Variants in CEP43 observed in about 807,000 individuals in gnomAD.
The protein encoded by CEP43 is FGFR1 oncogene partner.
In CEP43, 36 loss-of-function variants were observed where a neutral mutation model predicts 52.6. The observed-to-expected ratio is 0.68, with a 90% confidence interval of 0.52 to 0.90. CEP43 has a LOEUF of 0.90. Ranked by LOEUF, CEP43 falls within the 40% of genes least tolerant of loss-of-function variation. The pLI, the probability that CEP43 is intolerant of heterozygous loss-of-function variation, is 0.00. For missense variants in CEP43, 506 were observed against 472.8 expected, an observed-to-expected ratio of 1.07 and a Z score of -0.65; for synonymous variants, 192 against 172.4, an observed-to-expected ratio of 1.11 and a Z score of -0.89.
intron 10 of CEP43, chr6:167,027,730 A>G: frequency 3.0e-6 from 1 of 334,444 alleles, no homozygotes; most frequent in East Asian, 1.7e-4. Context: ...AGTGGAACTA[A>G]TAACATCTGC....
chr6:167,040,411 A>T lies in CEP43; in HGVS notation c.*433A>T, dbSNP rs906304367. The T allele has an allele frequency of 3.9e-6, 5 of 1,292,502 alleles. No homozygotes were observed. The Admixed American group carries it at 1.1e-4, about 30-fold the overall frequency. The allele number at this position is 1,292,502 out of a possible 1,614,324, so 80.1% of individuals were successfully genotyped here. A position where few individuals can be genotyped will look rare whatever the true frequency, so the allele number is the denominator to read the frequency against. On this transcript the variant is annotated 3_prime_UTR_variant, in exon 13 of 13. Coordinates refer to ENST00000366847, the MANE Select transcript of CEP43 (RefSeq NM_007045.4). ...AGCTTACCCACCATAGTATATTTTG[A>T]TATTAGGTGGTTCTACACATAGTTG...
At chr6:167,003,635 T>C in intron 3 of CEP43, 88 bp from the exon 4 acceptor site, 1 of 737,278 alleles carries the variant, frequency 1.4e-6, no homozygotes, top group Non-Finnish European at 2.3e-6. Context: ...CTTTCTTCCA[T>C]TAATTTAGTG....
chr6:167,017,407 A>C (rs1780127515), intron 7 of CEP43, among the ~76,000 whole-genome samples: 1 of 152,182 alleles, frequency 6.6e-6, no homozygotes, highest in Admixed American at 6.5e-5. Flanking sequence ...GGATGTGTGT[A>C]GGCTATGTGC....
chr6:167,001,699 G>T (rs1167194378), intron 2 of CEP43, among the ~76,000 whole-genome samples: 1 of 152,162 alleles, frequency 6.6e-6, no homozygotes, highest in East Asian at 1.9e-4. Flanking sequence ...CTTTCCACCT[G>T]CTCAGCCATC....
intron 5 of CEP43, among the ~76,000 whole-genome samples, chr6:167,009,465 G>A (rs897958748): frequency 2.5e-5 from 3 of 121,998 alleles, no homozygotes; most frequent in African/African-American, 9.7e-5. Context: ...AGCCAAGATT[G>A]CGCCTCTGCA....
chr6:167,006,319 A>G (rs1477519589), intron 5 of CEP43, among the ~76,000 whole-genome samples: 1 of 152,210 alleles, frequency 6.6e-6, no homozygotes, highest in Non-Finnish European at 1.5e-5. Context: ...GATGGAGACC[A>G]TCCTGGCCAA....
chr6:167,023,546 A>G (rs1043092937), intron 8 of CEP43, among the ~76,000 whole-genome samples: 1 of 152,192 alleles, frequency 6.6e-6, no homozygotes, highest in African/African-American at 2.4e-5. Context: ...GTGGAAATCC[A>G]AAGTAGGCTA....
chr6:167,041,945 T>G lies in CEP43; in HGVS notation c.*1967T>G. On this transcript the variant is annotated 3_prime_UTR_variant, in exon 13 of 13. Coordinates refer to ENST00000366847, the MANE Select transcript of CEP43 (RefSeq NM_007045.4). ...TTCAAGCGATTCTCCTGCTTCAGCCTCCTGAGTAGCTGGGATTACAGGTGC... is the reference window on the plus strand; with the variant it reads ...TTCAAGCGATTCTCCTGCTTCAGCCGCCTGAGTAGCTGGGATTACAGGTGC... The G allele has an allele frequency of 2.2e-6, 1 of 463,316 alleles. No individual in the cohort carries two copies. Among genetic ancestry groups the G allele is most frequent in the East Asian group, 1.0e-4 (1 of 9,886 alleles). 28.7% of individuals were successfully genotyped at this position (463,316 alleles called of 1,614,324 possible).
chr6:167,003,595 G>C (rs1779786637), intron 3 of CEP43, 128 bp from the exon 4 acceptor site: 1 of 610,446 alleles, frequency 1.6e-6, no homozygotes, highest in African/African-American at 1.9e-5. Flanking sequence ...TATTCAAAGA[G>C]GAAATTTGTA....
At chr6:167,037,071 G>A (rs879431583) in intron 12 of CEP43, among the ~76,000 whole-genome samples, 1 of 152,314 alleles carries the variant, frequency 6.6e-6, no homozygotes, top group Non-Finnish European at 1.5e-5. Flanking sequence ...CTCTCAAAGT[G>A]CTGAGATTAC....
intron 6 of CEP43, among the ~76,000 whole-genome samples, chr6:167,012,846 C>T (rs1780015252): frequency 6.6e-6 from 1 of 152,206 alleles, no homozygotes; most frequent in South Asian, 2.1e-4. Flanking sequence ...TCTCTGCCGT[C>T]ATCCCGTTAT....
In CEP43 at chr6:167,026,582, T is replaced by C; in HGVS notation, c.955T>C (p.Leu319=). Reference sequence around the variant, plus strand: ...AAATACAGTTTTGAAAGATCTGAAATTGATCAGTGATAAAATTGGATCACT... The same window carrying C: ...AAATACAGTTTTGAAAGATCTGAAACTGATCAGTGATAAAATTGGATCACT... ...RGNTVLKDLK[L]ISDKIGSLGL... The change falls in exon 10 of 13, where the codon TTG becomes CTG. Residue 319 remains leucine, a synonymous_variant. Transcript: ENST00000366847. 6.2e-7 allele frequency: 1 copy of C among 1,600,194 alleles called. No homozygotes were observed. Among genetic ancestry groups the C allele is most frequent in the Non-Finnish European group, 8.6e-7 (1 of 1,167,320 alleles).
Position 167,000,162 on chromosome 6 carries a change from T to A in CEP43, c.156+49T>A, listed in dbSNP as rs561583193. On this transcript the variant is annotated intron_variant, in intron 2 of 12. Coordinates refer to ENST00000366847, the MANE Select transcript of CEP43 (RefSeq NM_007045.4). Reference sequence around the variant, plus strand: ...ATGGCTGTATTCGTTAATACTTAATTTCTTATTCATTAAAAACCGTCTTAA... The same window carrying A: ...ATGGCTGTATTCGTTAATACTTAATATCTTATTCATTAAAAACCGTCTTAA... The A allele has an allele frequency of 2.2e-4, 299 of 1,354,192 alleles. No individual in the cohort carries two copies. The South Asian group carries it at 3.1e-3, about 14-fold the overall frequency. 83.9% of individuals were successfully genotyped at this position (1,354,192 alleles called of 1,614,324 possible). A position where few individuals can be genotyped will look rare whatever the true frequency, so the allele number is the denominator to read the frequency against.
Position 167,013,574 on chromosome 6 carries a change from T to C in CEP43, c.579+7T>C, listed in dbSNP as rs1178243587. ...GCAGAAGGCTGGTGACAAGGTAACA[T>C]GCATGAGGGCAGAGGAGAAAAGCAG... On this transcript the variant is annotated splice_region_variant and intron_variant, in intron 7 of 12. Transcript: ENST00000366847. The C allele has an allele frequency of 1.9e-6, 3 of 1,613,228 alleles. No homozygotes were observed. The highest frequency in any genetic ancestry group is 1.3e-5 in the African/African-American group (1 of 74,902).
intron 10 of CEP43, among the ~76,000 whole-genome samples, chr6:167,030,415 G>A (rs1780443040): frequency 6.6e-6 from 1 of 152,130 alleles, no homozygotes; most frequent in African/African-American, 2.4e-5. Flanking sequence ...TCTCCTTCTC[G>A]GCCCTGACAG....
chr6:167,003,003 C>T (rs115609284), intron 2 of CEP43, among the ~76,000 whole-genome samples, 190 bp from the exon 3 acceptor site: 1 of 152,142 alleles, frequency 6.6e-6, no homozygotes, highest in Non-Finnish European at 1.5e-5. Flanking sequence ...AAATACAAAT[C>T]TTCATATATG....
At position 167,052,675 on chromosome 6, in the gene CEP43, G is replaced by A. The variant is rs1400983669; in HGVS notation, c.*12697G>A. ...CTTACTGCAGTTGCCTACAGTCTGG[G>A]TTTTGTTCAGTTGAAATTAAATAAA... On this transcript the variant is annotated 3_prime_UTR_variant, in exon 13 of 13. Transcript: ENST00000366847. The A allele has an allele frequency of 6.6e-6, 1 of 152,152 alleles. No homozygotes were observed. Among genetic ancestry groups the A allele is most frequent in the African/African-American group, 2.4e-5 (1 of 41,428 alleles). The allele number at this position is 152,152 out of a possible 1,614,324, so 9.4% of individuals were successfully genotyped here. A position where few individuals can be genotyped will look rare whatever the true frequency, so the allele number is the denominator to read the frequency against.
In CEP43 at chr6:167,050,730, G is replaced by A. The variant is rs1373501269; in HGVS notation, c.*10752G>A. 6.9e-6 allele frequency: 1 copy of A among 145,248 alleles called. No homozygotes were observed. Among genetic ancestry groups the A allele is most frequent in the African/African-American group, 2.6e-5 (1 of 38,850 alleles). 9.0% of individuals were successfully genotyped at this position (145,248 alleles called of 1,614,324 possible). On this transcript the variant is annotated 3_prime_UTR_variant, in exon 13 of 13. Coordinates refer to ENST00000366847, the MANE Select transcript of CEP43 (RefSeq NM_007045.4). ...CTGGAGTCAGAGTTTGCAGTGAGCT[G>A]AGATCATGCCACTGCGCTCCAGTCT...
chr6:167,037,053 G>A (rs755270973), intron 12 of CEP43, among the ~76,000 whole-genome samples: 24 of 152,148 alleles, frequency 1.6e-4, no homozygotes, highest in Non-Finnish European at 2.2e-4. Context: ...TGATCCCCCC[G>A]CCTTGGCCTC....
Sources: allele counts gnomAD v4.1 joint callset (sites outside exome capture counted in the v4.1 genomes callset), GRCh38; gene constraint gnomAD v4.1.1; transcripts MANE v1.5; gene names NCBI Gene and HGNC (gene_info 2026-07-23, HGNC 2026-07-21).